GIGYF2: variants seen among roughly 807,000 people sequenced by gnomAD.
GIGYF2 encodes GRB10 interacting GYF protein 2.
Under a neutral mutation model 208.1 loss-of-function variants are expected in GIGYF2, and 25 were observed. The observed-to-expected ratio is 0.12, with a 90% CI of 0.09 to 0.17. GIGYF2 has a LOEUF of 0.17. GIGYF2 is among the 10% of genes least tolerant of loss of function. The pLI, the probability that GIGYF2 is intolerant of heterozygous loss-of-function variation, is 1.00. For missense variants in GIGYF2, 1,302 were observed against 1,579.4 expected (o/e 0.82, Z 2.98); for synonymous variants, 534 against 543.8 (o/e 0.98, Z 0.25).
In GIGYF2 at chr2:232,857,193, A is replaced by G. The variant is rs1690611166; in HGVS notation, c.*333A>G. The G allele has an allele frequency of 1.2e-5, 5 of 404,952 alleles. No individual in the cohort carries two copies. Among genetic ancestry groups the G allele is most frequent in the Non-Finnish European group, 2.3e-5 (5 of 220,940 alleles). The allele number at this position is 404,952 out of a possible 1,614,324, so 25.1% of individuals were successfully genotyped here. On this transcript the variant is annotated 3_prime_UTR_variant, in exon 29 of 29. Coordinates refer to ENST00000373563, the MANE Select transcript of GIGYF2 (RefSeq NM_001103146.3). ...CCCAGAAAGTGTGTTGGGATCGGCC[A>G]TTAGCAGCTTGCTTTCTCTTGTCAC...
intron 3 of GIGYF2, among the ~76,000 whole-genome samples, chr2:232,737,248 A>G (rs1345867646): frequency 6.6e-6 from 1 of 152,166 alleles, no homozygotes; most frequent in African/African-American, 2.4e-5. Flanking sequence ...TATCTTACAC[A>G]TCCTCCTTTT....
chr2:232,709,118 T>C (rs1470704933), intron 2 of GIGYF2, among the ~76,000 whole-genome samples: 1 of 152,078 alleles, frequency 6.6e-6, no homozygotes, highest in African/African-American at 2.4e-5. Context: ...TGAGACTCCA[T>C]TCCAAAAAAA....
At chr2:232,780,659 T>A (rs1699683093) in intron 8 of GIGYF2, among the ~76,000 whole-genome samples, 1 of 152,342 alleles carries the variant, frequency 6.6e-6, no homozygotes, top group Non-Finnish European at 1.5e-5. Flanking sequence ...AGGCATGAGT[T>A]TGTAAATAAT....
chr2:232,793,220 A>G lies in GIGYF2; in HGVS notation c.1283-1528A>G, dbSNP rs562085685. Among the ~76,000 whole-genome samples the G allele has an allele frequency of 5.3e-5, 8 of 152,380 alleles. No homozygotes were observed. In the South Asian group the frequency reaches 1.4e-3, roughly 28 times the overall value. The stretch of plus-strand genomic sequence containing the variant: ...AAGGAGGATATTGGGAAACGTAGTT[A>G]GAACATGGATTTGACAGCAGGGTAT... On this transcript the variant is annotated intron_variant, in intron 12 of 28. Transcript: ENST00000373563.
chr2:232,851,142 G>A (rs56852981), intron 28 of GIGYF2, among the ~76,000 whole-genome samples: 3,263 of 152,154 alleles, frequency 0.021, 123 homozygotes, highest in African/African-American at 0.074. Context: ...GTAACGTAGC[G>A]AGACCATATC....
chr2:232,798,953 AATTACCATTGCCAGGG>A (rs1474932901), intron 14 of GIGYF2, among the ~76,000 whole-genome samples: 1 of 150,226 alleles, frequency 6.7e-6, no homozygotes, highest in African/African-American at 2.4e-5. Flanking sequence ...AGTCCCTGGC[AATTACCATTGCCAGGG>A]ACTGGAGGAA....
chr2:232,792,402 A>T (rs1396067006), intron 12 of GIGYF2, among the ~76,000 whole-genome samples: 1 of 152,172 alleles, frequency 6.6e-6, no homozygotes, highest in African/African-American at 2.4e-5. Flanking sequence ...GGAATTTTTC[A>T]ATTTTTTAAA....
chr2:232,812,346 C>G, intron 17 of GIGYF2, 45 bp from the exon 18 acceptor site: 1 of 797,916 alleles, frequency 1.3e-6, no homozygotes, highest in Non-Finnish European at 2.2e-6. Context: ...TTTTTTTTTC[C>G]TGCAAATGAC....
In GIGYF2 at chr2:232,812,463, G is replaced by A. The variant is rs372567277; in HGVS notation, c.2079G>A (p.Glu693=). ...VSVPDTGSIW[E]LQPTASQPTV... Reference sequence around the variant, plus strand: ...TGCCAGATACTGGCTCTATCTGGGAGCTTCAGCCAACAGCTTCACAGCCTA... The same window carrying A: ...TGCCAGATACTGGCTCTATCTGGGAACTTCAGCCAACAGCTTCACAGCCTA... The change falls in exon 18 of 29, where the codon GAG becomes GAA. Residue 693 remains glutamate, a synonymous_variant. Coordinates refer to ENST00000373563, the MANE Select transcript of GIGYF2 (RefSeq NM_001103146.3). 2.0e-6 allele frequency: 3 copies of A among 1,517,578 alleles called. No individual in the cohort carries two copies. In the African/African-American group the frequency reaches 4.1e-5, roughly 21 times the overall value. The allele number at this position is 1,517,578 out of a possible 1,614,324, so 94.0% of individuals were successfully genotyped here.
intron 18 of GIGYF2, among the ~76,000 whole-genome samples, chr2:232,813,292 C>T (rs147518370): frequency 2.7e-5 from 4 of 150,592 alleles, no homozygotes; most frequent in Admixed American, 2.0e-4. Flanking sequence ...CAGGTTCAAG[C>T]GATTCTTCTG....
At chr2:232,843,386 C>T (rs1311807804) in intron 23 of GIGYF2, among the ~76,000 whole-genome samples, 4 of 151,424 alleles carry the variant, frequency 2.6e-5, no homozygotes, top group Admixed American at 1.3e-4. Context: ...GGTGAAACCC[C>T]GTCTCTACTA....
chr2:232,743,908 G>A (rs757044912), intron 3 of GIGYF2, among the ~76,000 whole-genome samples: 47 of 152,148 alleles, frequency 3.1e-4, no homozygotes, highest in Non-Finnish European at 5.4e-4. Flanking sequence ...GCAGTGTTGC[G>A]ATCATGGCTC....
chr2:232,719,508 A>G (rs978529716), intron 2 of GIGYF2, among the ~76,000 whole-genome samples: 12 of 152,212 alleles, frequency 7.9e-5, no homozygotes, highest in African/African-American at 2.9e-4. Flanking sequence ...AAACTCAACA[A>G]TAAGAAGGAC....
chr2:232,735,596 C>T (rs1697699485), intron 3 of GIGYF2: 2 of 454,000 alleles, frequency 4.4e-6, no homozygotes, highest in Admixed American at 1.1e-4. Flanking sequence ...ATTGTTTTAT[C>T]ATTGCTGTTC....
chr2:232,808,915 TTATATACATACATATACA>T (rs1334305221), intron 15 of GIGYF2, among the ~76,000 whole-genome samples: 1 of 152,146 alleles, frequency 6.6e-6, no homozygotes, highest in Non-Finnish European at 1.5e-5. Context: ...TTATCAAAGT[TTATATACATACATATACA>T]TATATACATA....
At chr2:232,720,467 C>T (rs1046107762) in intron 2 of GIGYF2, among the ~76,000 whole-genome samples, 4 of 151,926 alleles carry the variant, frequency 2.6e-5, no homozygotes, top group East Asian at 1.9e-4. Flanking sequence ...GTAATGGGAT[C>T]GCTGGGTCAA....
intron 2 of GIGYF2, among the ~76,000 whole-genome samples, chr2:232,732,055 A>G (rs988457494): frequency 1.3e-5 from 2 of 152,204 alleles, no homozygotes; most frequent in Non-Finnish European, 2.9e-5. Context: ...TCAACTTGGC[A>G]TCATAGAAGT....
chr2:232,834,898 A>G (rs573441960), intron 22 of GIGYF2, among the ~76,000 whole-genome samples: 1 of 152,224 alleles, frequency 6.6e-6, no homozygotes, highest in African/African-American at 2.4e-5. Context: ...TCTTAATAGC[A>G]TATATTGCAC....
intron 21 of GIGYF2, among the ~76,000 whole-genome samples, chr2:232,830,734 C>G (rs919148137): frequency 2.0e-5 from 3 of 151,984 alleles, no homozygotes; most frequent in Non-Finnish European, 2.9e-5. Flanking sequence ...GTAATCCCCA[C>G]GACTCAAGAG....
Sources: allele counts gnomAD v4.1 joint callset (sites outside exome capture counted in the v4.1 genomes callset), GRCh38; gene constraint gnomAD v4.1.1; transcripts MANE v1.5; gene names NCBI Gene and HGNC (gene_info 2026-07-23, HGNC 2026-07-21).